ZNF595: variants seen among roughly 807,000 people sequenced by gnomAD.
The protein encoded by ZNF595 is zinc finger protein 595.
Under a neutral mutation model 19.4 loss-of-function variants are expected in ZNF595, and 9 were observed. That is an observed-to-expected ratio of 0.46 (90% confidence interval 0.28 to 0.81). ZNF595 has a LOEUF of 0.81. Ranked by LOEUF, ZNF595 falls within the 30% of genes least tolerant of loss-of-function variation. The pLI, the probability that ZNF595 is intolerant of heterozygous loss-of-function variation, is 0.11. For synonymous variants in ZNF595, 255 were observed against 255.9 expected, an observed-to-expected ratio of 1.00 and a Z score of 0.03; for missense variants, 729 against 736.0, an observed-to-expected ratio of 0.99 and a Z score of 0.11.
At chr4:69,249 T>C (rs1713331763) in intron 3 of ZNF595, among the ~76,000 whole-genome samples, 2 of 152,226 alleles carry the variant, frequency 1.3e-5, no homozygotes, top group South Asian at 4.1e-4. Flanking sequence ...TCCTGATTTA[T>C]GTACATACCT....
At chr4:70,647 T>C (rs1372191329) in intron 3 of ZNF595, among the ~76,000 whole-genome samples, 5 of 152,338 alleles carry the variant, frequency 3.3e-5, no homozygotes, top group African/African-American at 7.2e-5. Flanking sequence ...CCAATAAATA[T>C]TCTTGACACC....
At chr4:73,819 G>A (rs1280621243) in intron 3 of ZNF595, among the ~76,000 whole-genome samples, 2 of 152,118 alleles carry the variant, frequency 1.3e-5, no homozygotes, top group Non-Finnish European at 2.9e-5. Context: ...ATGATTTATA[G>A]ACAGTTGCTC....
chr4:82,990 C>G (rs1447724039), intron 3 of ZNF595, among the ~76,000 whole-genome samples: 1 of 152,054 alleles, frequency 6.6e-6, no homozygotes, highest in East Asian at 1.9e-4. Context: ...TTATATTGCT[C>G]TCTATGTCTT....
intron 3 of ZNF595, among the ~76,000 whole-genome samples, chr4:63,511 CTCA>C (rs1712935744): frequency 6.6e-6 from 1 of 151,436 alleles, no homozygotes; most frequent in South Asian, 2.1e-4. Context: ...ACATTTTTAT[CTCA>C]TCCTTTACAT....
chr4:85,839 A>C lies in ZNF595; in HGVS notation c.335A>C (p.Gln112Pro). 6.2e-7 allele frequency: 1 copy of C among 1,614,082 alleles called. No individual in the cohort carries two copies. The highest frequency in any genetic ancestry group is 8.5e-7 in the Non-Finnish European group (1 of 1,179,968). Reference protein sequence around the residue: ...RYEKCGHENLQLRKGCKRVNE... With the variant: ...RYEKCGHENLPLRKGCKRVNE... The stretch of plus-strand genomic sequence containing the variant: ...GAGAAATGTGGACATGAGAATTTAC[A>C]ATTAAGAAAAGGCTGTAAACGTGTG... The change falls in exon 4 of 4, where the codon CAA (glutamine) becomes CCA (proline). Residue 112 changes from glutamine to proline, a missense_variant. Gln to Pro is a moderately conservative substitution (Grantham distance 76). This residue lies in a region of ZNF595 where 729 missense variants were observed against 675.3 expected (regional missense o/e 1.08). Coordinates refer to ENST00000610261, the MANE Select transcript of ZNF595 (RefSeq NM_182524.4).
chr4:72,813 C>G (rs78343058), intron 3 of ZNF595, among the ~76,000 whole-genome samples: 5,133 of 152,164 alleles, frequency 0.034, 224 homozygotes, highest in African/African-American at 0.099. Context: ...AGGGAATAAC[C>G]TTGACTGGGA....
In ZNF595 at chr4:86,255, A is replaced by G. The variant is rs200927625; in HGVS notation, c.751A>G (p.Thr251Ala). Residue 251 changes from threonine to alanine, a missense_variant, in exon 4 of 4, where the codon ACT becomes GCT. Transcript: ENST00000610261. ...TVLNEHKKIH[T>A]GEKPYKCEEC... ...TCTGAACGAACATAAGAAAATTCAT[A>G]CTGGAGAGAAACCCTACAAATGTGA... 4 of 1,611,618 alleles carry G rather than the reference A, an allele frequency of 2.5e-6. No individual in the cohort carries two copies. The highest frequency in any genetic ancestry group is 3.4e-6 in the Non-Finnish European group (4 of 1,178,072).
In ZNF595 at chr4:85,883, A is replaced by C. The variant is rs1056183572; in HGVS notation, c.379A>C (p.Lys127Gln). 5 of 1,614,096 alleles carry C rather than the reference A, an allele frequency of 3.1e-6. No homozygotes were observed. Among genetic ancestry groups the C allele is most frequent in the South Asian group, 1.1e-5 (1 of 91,074 alleles). Reference protein sequence around the residue: ...CKRVNECKVQKGVNNGVYQCL... With the variant: ...CKRVNECKVQQGVNNGVYQCL... ...ACGTGTGAATGAGTGTAAGGTGCAGAAAGGAGTTAATAATGGAGTTTACCA... is the reference window on the plus strand; with the variant it reads ...ACGTGTGAATGAGTGTAAGGTGCAGCAAGGAGTTAATAATGGAGTTTACCA... Residue 127 changes from lysine to glutamine, a missense_variant, in exon 4 of 4, where the codon AAA becomes CAA. By Grantham distance (53) the Lys-to-Gln change is moderately conservative. Transcript: ENST00000610261.
chr4:69,826 T>C (rs1553797610), intron 3 of ZNF595, among the ~76,000 whole-genome samples: 1 of 152,194 alleles, frequency 6.6e-6, no homozygotes, highest in Admixed American at 6.5e-5. Context: ...GTGGGGGTAT[T>C]ATTCAAGACA....
chr4:80,298 C>T (rs1477367016), intron 3 of ZNF595, among the ~76,000 whole-genome samples: 1 of 152,192 alleles, frequency 6.6e-6, no homozygotes, highest in Non-Finnish European at 1.5e-5. Context: ...GGATTATAGG[C>T]GTGCGCCACC....
rs782257438 is a variant in ZNF595 at position 86,633 on chromosome 4, T to C, written c.1129T>C (p.Phe377Leu). Reference protein sequence around the residue: ...LYKCEECGKAFTWSSSLNKHK... With the variant: ...LYKCEECGKALTWSSSLNKHK... ...CAAATGTGAAGAATGTGGCAAAGCCTTTACTTGGTCCTCATCCCTTAATAA... is the reference window on the plus strand; with the variant it reads ...CAAATGTGAAGAATGTGGCAAAGCCCTTACTTGGTCCTCATCCCTTAATAA... Residue 377 changes from phenylalanine (F) to leucine (L), a missense_variant, in exon 4 of 4, where the codon TTT becomes CTT. This residue lies in a region of ZNF595 where 729 missense variants were observed against 675.3 expected (regional missense o/e 1.08). Coordinates refer to ENST00000610261, the MANE Select transcript of ZNF595 (RefSeq NM_182524.4). 1 of 1,613,620 alleles carries C rather than the reference T, an allele frequency of 6.2e-7. No homozygotes were observed. Among genetic ancestry groups the C allele is most frequent in the Non-Finnish European group, 8.5e-7 (1 of 1,179,838 alleles).
At chr4:79,729 C>T (rs1257167883) in intron 3 of ZNF595, among the ~76,000 whole-genome samples, 2 of 121,510 alleles carry the variant, frequency 1.6e-5, no homozygotes, top group African/African-American at 3.1e-5. Flanking sequence ...ATTTGGGGGT[C>T]TTTGGTTGTT....
chr4:78,022 T>C (rs1228387664), intron 3 of ZNF595, among the ~76,000 whole-genome samples: 8 of 152,156 alleles, frequency 5.3e-5, no homozygotes. Flanking sequence ...GTTTGTTTGT[T>C]TTTTGAGACG....
At chr4:83,982 T>A (rs1714032140) in intron 3 of ZNF595, among the ~76,000 whole-genome samples, 1 of 152,184 alleles carries the variant, frequency 6.6e-6, no homozygotes, top group Non-Finnish European at 1.5e-5. Context: ...AGATTTTTAC[T>A]TATTTTTTCA....
At chr4:81,102 G>A (rs1324893541) in intron 3 of ZNF595, among the ~76,000 whole-genome samples, 1 of 152,092 alleles carries the variant, frequency 6.6e-6, no homozygotes, top group Non-Finnish European at 1.5e-5. Flanking sequence ...CTGTTCCTGT[G>A]TTTGTTTGCT....
chr4:78,094 C>T (rs763892269), intron 3 of ZNF595, among the ~76,000 whole-genome samples: 1 of 152,140 alleles, frequency 6.6e-6, no homozygotes, highest in African/African-American at 2.4e-5. Flanking sequence ...CTGTAAGCTC[C>T]GCCTTCCTGG....
At chr4:53,596 CCT>C in intron 1 of ZNF595, 105 bp downstream of exon 1, 1 of 874,876 alleles carries the variant, frequency 1.1e-6, no homozygotes, top group South Asian at 2.0e-5. Context: ...CCCGCTGCCG[CCT>C]CTCAGCCCTC....
chr4:80,792 T>C (rs1326123507), intron 3 of ZNF595, among the ~76,000 whole-genome samples: 3 of 152,190 alleles, frequency 2.0e-5, no homozygotes, highest in African/African-American at 4.8e-5. Context: ...CCTCAGGCCA[T>C]CTGGATGTAC....
At chr4:82,371 GGTTTTTTTTTTTT>G (rs1560092289) in intron 3 of ZNF595, among the ~76,000 whole-genome samples, 2 of 97,714 alleles carry the variant, frequency 2.0e-5, no homozygotes, top group Non-Finnish European at 4.2e-5. Flanking sequence ...TTTGGTTTGT[GGTTTTTTTTTTTT>G]TTTTTTTTTT....
Sources: allele counts gnomAD v4.1 joint callset (sites outside exome capture counted in the v4.1 genomes callset), GRCh38; gene constraint gnomAD v4.1.1; regional missense constraint gnomAD v4.1.1; transcripts MANE v1.5; gene names NCBI Gene and HGNC (gene_info 2026-07-23, HGNC 2026-07-21).